Variants in SDK1 observed in about 807,000 individuals in gnomAD.
The protein encoded by SDK1 is protein sidekick-1.
In SDK1, 157 loss-of-function variants were observed where a neutral mutation model predicts 245.5. The ratio of observed to expected loss-of-function variants is 0.64; its 90% CI spans 0.56 to 0.73. The LOEUF (loss-of-function observed/expected upper bound fraction) is 0.73. Ranked by LOEUF, SDK1 falls within the 30% of genes least tolerant of loss-of-function variation. The probability of loss-of-function intolerance (pLI) is 0.00; values close to 1 mark genes in which losing one functional copy is unlikely to be tolerated. For synonymous variants in SDK1, 1,647 were observed against 1,278.5 expected (o/e 1.29, Z -6.15); for missense variants, 3,583 against 3,002.3 (o/e 1.19, Z -4.52).
At chr7:3,625,481 C>G (rs1782087285) in intron 2 of SDK1, among the ~76,000 whole-genome samples, 1 of 152,150 alleles carries the variant, frequency 6.6e-6, no homozygotes, top group Non-Finnish European at 1.5e-5. Flanking sequence ...TTGTGAATGT[C>G]ATCCCAGGAA....
intron 35 of SDK1, among the ~76,000 whole-genome samples, chr7:4,184,840 C>G (rs1027989153): frequency 6.6e-6 from 1 of 152,180 alleles, no homozygotes; most frequent in African/African-American, 2.4e-5. Context: ...TCAGGCATGG[C>G]TGGATCCAGC....
chr7:3,882,064 A>T (rs1340697960), intron 5 of SDK1, among the ~76,000 whole-genome samples: 1 of 152,204 alleles, frequency 6.6e-6, no homozygotes, highest in Non-Finnish European at 1.5e-5. Flanking sequence ...GGCACGTCTT[A>T]CCTGGTGGCA....
At chr7:3,975,986 G>T (rs556360040) in intron 13 of SDK1, among the ~76,000 whole-genome samples, 1 of 63,894 alleles carries the variant, frequency 1.6e-5, no homozygotes, top group Non-Finnish European at 3.2e-5. Flanking sequence ...ATCACTGAGG[G>T]TCCCGGGGCT....
intron 44 of SDK1, among the ~76,000 whole-genome samples, chr7:4,254,384 G>A (rs780864961): frequency 2.6e-4 from 39 of 152,030 alleles, no homozygotes; most frequent in Non-Finnish European, 5.1e-4. Context: ...TCTTCTGCCA[G>A]CTCAAGTCTA....
chr7:4,216,086 G>A (rs1210256931), intron 38 of SDK1, among the ~76,000 whole-genome samples: 4 of 152,224 alleles, frequency 2.6e-5, no homozygotes, highest in Non-Finnish European at 4.4e-5. Context: ...CATCCTGGCA[G>A]CTGCTCTCTG....
In SDK1 at chr7:4,268,796, C is replaced by T. The variant is rs758106647; in HGVS notation, c.*3412C>T. 1.5e-6 allele frequency: 2 copies of T among 1,319,210 alleles called. No homozygotes were observed. The highest frequency in any genetic ancestry group is 4.6e-5 in the East Asian group (1 of 21,698). 81.7% of individuals were successfully genotyped at this position (1,319,210 alleles called of 1,614,324 possible). A position where few individuals can be genotyped will look rare whatever the true frequency, so the allele number is the denominator to read the frequency against. The stretch of plus-strand genomic sequence containing the variant: ...TGAGGACAACGTGGAAACTCATGAG[C>T]TGAGCCTGCCCGCTGGGACACGTCT... On this transcript the variant is annotated 3_prime_UTR_variant, in exon 45 of 45. Transcript: ENST00000404826.
At chr7:3,992,875 G>A (rs985092553) in intron 14 of SDK1, among the ~76,000 whole-genome samples, 3 of 152,084 alleles carry the variant, frequency 2.0e-5, no homozygotes, top group African/African-American at 7.2e-5. Flanking sequence ...CCAAAGAAAT[G>A]CAAATAAATG....
chr7:3,329,247 G>A (rs1437564636), intron 1 of SDK1, among the ~76,000 whole-genome samples: 8 of 152,192 alleles, frequency 5.3e-5, no homozygotes, highest in Non-Finnish European at 1.2e-4. Flanking sequence ...TCTAAACCAC[G>A]TCCATGAGGC....
At chr7:3,976,997 A>G (rs182877324) in intron 13 of SDK1, among the ~76,000 whole-genome samples, 9 of 11,688 alleles carry the variant, frequency 7.7e-4, no homozygotes, top group Admixed American at 3.1e-3. Flanking sequence ...TGCCACGCAG[A>G]GGGCCCTCCA....
intron 5 of SDK1, among the ~76,000 whole-genome samples, chr7:3,895,532 G>A (rs1377419526): frequency 2.6e-5 from 4 of 152,226 alleles, no homozygotes; most frequent in Admixed American, 2.6e-4. Context: ...TGGAGACAGT[G>A]TAGCCATCTC....
chr7:4,226,072 G>A (rs1441756915), intron 40 of SDK1, among the ~76,000 whole-genome samples: 3 of 152,132 alleles, frequency 2.0e-5, no homozygotes, highest in Non-Finnish European at 2.9e-5. Context: ...GGTACCTGAG[G>A]GCTTTGGATC....
chr7:4,227,309 C>T, intron 40 of SDK1: 2 of 463,596 alleles, frequency 4.3e-6, no homozygotes, highest in Non-Finnish European at 4.5e-6. Context: ...TTTCTGACAG[C>T]TTGTCAGCCC....
At chr7:3,807,886 G>C (rs539669043) in intron 4 of SDK1, among the ~76,000 whole-genome samples, 2 of 152,310 alleles carry the variant, frequency 1.3e-5, no homozygotes, top group African/African-American at 4.8e-5. Context: ...TGAGTTTTAA[G>C]TGTATGCCAA....
chr7:3,519,006 G>A (rs1173908148), intron 1 of SDK1, among the ~76,000 whole-genome samples: 1 of 152,048 alleles, frequency 6.6e-6, no homozygotes, highest in East Asian at 1.9e-4. Context: ...CAACAGGGAT[G>A]GAACTGGAGG....
intron 1 of SDK1, among the ~76,000 whole-genome samples, chr7:3,353,345 G>A (rs559737143): frequency 1.3e-5 from 2 of 152,198 alleles, no homozygotes; most frequent in South Asian, 4.1e-4. Context: ...TGGAATAAAA[G>A]TTGCTATAAC....
intron 1 of SDK1, among the ~76,000 whole-genome samples, chr7:3,520,699 T>G (rs1288173115): frequency 6.6e-6 from 1 of 152,190 alleles, no homozygotes; most frequent in East Asian, 1.9e-4. Flanking sequence ...GCCCCTTTTC[T>G]TTAATCCCTG....
intron 5 of SDK1, among the ~76,000 whole-genome samples, chr7:3,828,359 G>A (rs1734455980): frequency 6.6e-6 from 1 of 151,972 alleles, no homozygotes; most frequent in South Asian, 2.1e-4. Flanking sequence ...AAAATTGAGA[G>A]ATATTCTATA....
At chr7:3,469,849 T>G (rs1384012410) in intron 1 of SDK1, among the ~76,000 whole-genome samples, 1 of 152,218 alleles carries the variant, frequency 6.6e-6, no homozygotes, top group Non-Finnish European at 1.5e-5. Flanking sequence ...TTCCTAAGAT[T>G]TCAGATCAGG....
At chr7:3,629,339 A>G (rs1156907880) in intron 2 of SDK1, among the ~76,000 whole-genome samples, 2 of 151,894 alleles carry the variant, frequency 1.3e-5, no homozygotes, top group Non-Finnish European at 2.9e-5. Context: ...AGAAAAAAGC[A>G]CTACACAGAG....
Sources: gnomAD v4.1 joint callset for allele counts (sites outside exome capture counted in the v4.1 genomes callset) on GRCh38, gnomAD v4.1.1 for gene constraint, MANE v1.5 for transcripts, NCBI Gene and HGNC (gene_info 2026-07-23, HGNC 2026-07-21) for gene names.